PCDHB9: variants seen among roughly 807,000 people sequenced by gnomAD.
PCDHB9 encodes protocadherin beta-9.
For synonymous variants in PCDHB9, 501 were observed against 439.7 expected, an observed-to-expected ratio of 1.14 and a Z score of -1.75; for missense variants, 1,072 against 995.1, an observed-to-expected ratio of 1.08 and a Z score of -1.04.
At position 141,188,303 on chromosome 5, in the gene PCDHB9, G is replaced by A. The variant is rs1753791933; in HGVS notation, c.985G>A (p.Ala329Thr). 1 of 1,614,188 alleles carries A rather than the reference G, an allele frequency of 6.2e-7. No individual in the cohort carries two copies. Among genetic ancestry groups the A allele is most frequent in the Non-Finnish European group, 8.5e-7 (1 of 1,180,036 alleles). Residue 329 changes from alanine (A) to threonine (T), a missense_variant, in exon 1 of 1, where the codon GCA becomes ACA. Ala to Thr is a moderately conservative substitution (Grantham distance 58). Transcript: ENST00000316105. The stretch of plus-strand genomic sequence containing the variant: ...GGCAATGGACGGCGGAGGCCTTTCT[G>A]CAAGATGTACAGTTTTGATAAAAGT... ...IQAMDGGGLS[A>T]RCTVLIKVLD...
At position 141,190,661 on chromosome 5, in the gene PCDHB9, A is replaced by AAAAAAAAG. The variant is rs1263094545; in HGVS notation, c.*956_*957insGAAAAAAA. 5 of 151,042 alleles carry AAAAAAAAG rather than the reference A, an allele frequency of 3.3e-5. No individual in the cohort carries two copies. Among genetic ancestry groups the AAAAAAAAG allele is most frequent in the African/African-American group, 1.2e-4 (5 of 41,230 alleles). The allele number at this position is 151,042 out of a possible 1,614,324, so 9.4% of individuals were successfully genotyped here. Reference sequence around the variant, plus strand: ...AAATGGGCTTTAGTCTGGAAACCAAAAAAAAAAAAAAAATTTAGTCATTCT... The same window carrying AAAAAAAAG: ...AAATGGGCTTTAGTCTGGAAACCAAAAAAAAAAGAAAAAAAAAAAAATTTAGTCATTCT... On this transcript the variant is annotated 3_prime_UTR_variant, in exon 1 of 1. Transcript: ENST00000316105.
In PCDHB9 at chr5:141,189,593, T is replaced by C; in HGVS notation, c.2275T>C (p.Ser759Pro). ...YQYEVCLTGG[S>P]ETGEFKFLKP... The stretch of plus-strand genomic sequence containing the variant: ...GTACGAGGTGTGTCTGACTGGAGGT[T>C]CAGAGACCGGCGAGTTCAAGTTCTT... The change falls in exon 1 of 1, where the codon TCA (serine) becomes CCA (proline). Residue 759 changes from serine (S) to proline (P), a missense_variant. Physicochemically the swap from Ser to Pro is moderately conservative, Grantham distance 74. Coordinates refer to ENST00000316105, the MANE Select transcript of PCDHB9 (RefSeq NM_019119.5). 6 of 1,614,030 alleles carry C rather than the reference T, an allele frequency of 3.7e-6. No individual in the cohort carries two copies. The highest frequency in any genetic ancestry group is 5.1e-6 in the Non-Finnish European group (6 of 1,179,986).
At position 141,187,749 on chromosome 5, in the gene PCDHB9, A is replaced by C. The variant is rs1753772692; in HGVS notation, c.431A>C (p.Glu144Ala). ...AAAGAGATGGTCTTAAAAATATCAG[A>C]AAATACAGCTGAAGGGACAGCATTT... ...RHKEMVLKIS[E>A]NTAEGTAFRL... Residue 144 changes from glutamate to alanine, a missense_variant, in exon 1 of 1, where the codon GAA (glutamate) becomes GCA (alanine). Coordinates refer to ENST00000316105, the MANE Select transcript of PCDHB9 (RefSeq NM_019119.5). The C allele has an allele frequency of 1.2e-6, 2 of 1,614,188 alleles. No individual in the cohort carries two copies. The highest frequency in any genetic ancestry group is 1.7e-6 in the Non-Finnish European group (2 of 1,180,032).
rs17844540 is a variant in PCDHB9, at chr5:141,189,334, T to C, written c.2016T>C (p.Pro672=). Residue 672 remains proline (P), a synonymous_variant, in exon 1 of 1, where the codon CCT becomes CCC. Transcript: ENST00000316105. ...LVDGFSQPYL[P]LPEAAPAQAQ... is the part of the protein sequence containing the mutation. ...ACGGCTTCTCCCAGCCCTACCTGCC[T>C]CTCCCGGAGGCGGCCCCGGCCCAGG... 6.2e-7 allele frequency: 1 copy of C among 1,610,808 alleles called. No homozygotes were observed. The highest frequency in any genetic ancestry group is 8.5e-7 in the Non-Finnish European group (1 of 1,179,738).
rs202035487 is a variant in PCDHB9, at chr5:141,190,178, G to GTTT, written c.*467_*469dup. On this transcript the variant is annotated 3_prime_UTR_variant, in exon 1 of 1. Transcript: ENST00000316105. ...TGTTTGTTTGTTTGTTTTTTGGTTT[G>GTTT]TTTGTTTTTTTTTTTTTTGAGACGG... The GTTT allele has an allele frequency of 0.012, 1,498 of 124,830 alleles. 10 individuals are homozygous for GTTT. Among genetic ancestry groups the GTTT allele is most frequent in the Admixed American group, 0.015 (167 of 11,296 alleles). 7.7% of individuals were successfully genotyped at this position (124,830 alleles called of 1,614,324 possible). A position where few individuals can be genotyped will look rare whatever the true frequency, so the allele number is the denominator to read the frequency against.
rs1165783447 is a variant in PCDHB9 at position 141,191,252 on chromosome 5, C to CAAAAT, written c.*1557_*1561dup. ...CTGGGCAATAAGAGCAAAACTCCAT[C>CAAAAT]AAAATAAAATAAAATAAAATATAAA... On this transcript the variant is annotated 3_prime_UTR_variant, in exon 1 of 1. Coordinates refer to ENST00000316105, the MANE Select transcript of PCDHB9 (RefSeq NM_019119.5). 5.3e-5 allele frequency: 8 copies of CAAAAT among 151,612 alleles called. No homozygotes were observed. The highest frequency in any genetic ancestry group is 1.2e-4 in the African/African-American group (5 of 41,228). The allele number at this position is 151,612 out of a possible 1,614,324, so 9.4% of individuals were successfully genotyped here.
Position 141,191,512 on chromosome 5 carries a change from A to T in PCDHB9, c.*1800A>T, listed in dbSNP as rs1302686948. ...AAGCTAATACAAGAAAAACAAAGACAAGTGAAAGTAAGGAAACAGAAATTG... is the reference window on the plus strand; with the variant it reads ...AAGCTAATACAAGAAAAACAAAGACTAGTGAAAGTAAGGAAACAGAAATTG... On this transcript the variant is annotated 3_prime_UTR_variant, in exon 1 of 1. Transcript: ENST00000316105. 1 of 152,216 alleles carries T rather than the reference A, an allele frequency of 6.6e-6. No individual in the cohort carries two copies. The highest frequency in any genetic ancestry group is 2.4e-5 in the African/African-American group (1 of 41,444). 9.4% of individuals were successfully genotyped at this position (152,216 alleles called of 1,614,324 possible).
Position 141,188,359 on chromosome 5 carries a change from G to C in PCDHB9, c.1041G>C (p.Leu347=). The change falls in exon 1 of 1, where the codon CTG becomes CTC. Residue 347 remains leucine (L), a synonymous_variant. Transcript: ENST00000316105. Reference sequence around the variant, plus strand: ...ATTCCAATGACAATCCTCCTGAACTGATCATATCATCACTTTCCAACTCTG... The same window carrying C: ...ATTCCAATGACAATCCTCCTGAACTCATCATATCATCACTTTCCAACTCTG... The part of the protein sequence containing the change: ...VLDSNDNPPE[L]IISSLSNSVA... The C allele has an allele frequency of 6.2e-7, 1 of 1,614,136 alleles. No homozygotes were observed. Among genetic ancestry groups the C allele is most frequent in the African/African-American group, 1.3e-5 (1 of 75,026 alleles).
Position 141,189,797 on chromosome 5 carries a change from T to A in PCDHB9, c.*85T>A. The stretch of plus-strand genomic sequence containing the variant: ...TTGTGTATGCCCACCACAAAGAAGG[T>A]ACTATTTTTTGTTTGATTCATCTTC... On this transcript the variant is annotated 3_prime_UTR_variant, in exon 1 of 1. Coordinates refer to ENST00000316105, the MANE Select transcript of PCDHB9 (RefSeq NM_019119.5). 8.1e-7 allele frequency: 1 copy of A among 1,228,714 alleles called. No individual in the cohort carries two copies. Among genetic ancestry groups the A allele is most frequent in the Non-Finnish European group, 1.1e-6 (1 of 885,496 alleles). 76.1% of individuals were successfully genotyped at this position (1,228,714 alleles called of 1,614,324 possible). A position where few individuals can be genotyped will look rare whatever the true frequency, so the allele number is the denominator to read the frequency against.
chr5:141,188,411 T>C lies in PCDHB9; in HGVS notation c.1093T>C (p.Leu365=), dbSNP rs377021357. 1.9e-4 allele frequency: 302 copies of C among 1,614,020 alleles called. 2 individuals are homozygous for C. The highest frequency in any genetic ancestry group is 2.3e-4 in the Non-Finnish European group (273 of 1,179,994). The change falls in exon 1 of 1, where the codon TTG becomes CTG. Residue 365 remains leucine (L), a synonymous_variant. Coordinates refer to ENST00000316105, the MANE Select transcript of PCDHB9 (RefSeq NM_019119.5). ...SVAENSPGIV[L]AVFKIKDRDS... ...TGCTGAAAACTCTCCTGGGATAGTA[T>C]TGGCTGTTTTTAAGATTAAAGACAG...
In PCDHB9 at chr5:141,189,539, G is replaced by A. The variant is rs1753846070; in HGVS notation, c.2221G>A (p.Gly741Ser). ...TCCAGGGCATCTGGTGGACGTGAGC[G>A]GCACCGGGACCCTGTTCCAGAGCTA... is the stretch of plus-strand genomic sequence containing the variant. ...PFPGHLVDVS[G>S]TGTLFQSYQY... The change falls in exon 1 of 1, where the codon GGC becomes AGC. Residue 741 changes from glycine to serine, a missense_variant. Coordinates refer to ENST00000316105, the MANE Select transcript of PCDHB9 (RefSeq NM_019119.5). 1.2e-6 allele frequency: 2 copies of A among 1,614,116 alleles called. No homozygotes were observed. Among genetic ancestry groups the A allele is most frequent in the Non-Finnish European group, 8.5e-7 (1 of 1,180,030 alleles).
chr5:141,188,978 G>T lies in PCDHB9; in HGVS notation c.1660G>T (p.Ala554Ser). 6.2e-7 allele frequency: 1 copy of T among 1,611,640 alleles called. No individual in the cohort carries two copies. The change falls in exon 1 of 1, where the codon GCC becomes TCC. Residue 554 changes from alanine to serine, a missense_variant. Coordinates refer to ENST00000316105, the MANE Select transcript of PCDHB9 (RefSeq NM_019119.5). Reference protein sequence around the residue: ...EALVRVLVLDANDNSPFVLYP... With the variant: ...EALVRVLVLDSNDNSPFVLYP... ...GCTGGTGCGCGTACTGGTGCTGGAC[G>T]CCAACGACAACTCGCCCTTCGTGCT...
chr5:141,191,345 A>G lies in PCDHB9; in HGVS notation c.*1633A>G, dbSNP rs1753900009. ...CACTAGAATGCTGTTCTTAATTTTA[A>G]TAGTGTTAAGATAGGTGTTAGTGTG... On this transcript the variant is annotated 3_prime_UTR_variant, in exon 1 of 1. Transcript: ENST00000316105. The G allele has an allele frequency of 6.6e-6, 1 of 152,186 alleles. No individual in the cohort carries two copies. The highest frequency in any genetic ancestry group is 1.5e-5 in the Non-Finnish European group (1 of 68,036). 9.4% of individuals were successfully genotyped at this position (152,186 alleles called of 1,614,324 possible). A position where few individuals can be genotyped will look rare whatever the true frequency, so the allele number is the denominator to read the frequency against.
Position 141,189,307 on chromosome 5 carries a change from G to A in PCDHB9, c.1989G>A (p.Val663=), listed in dbSNP as rs1554283310. The part of the protein sequence containing the change: ...SATATLHVLL[V]DGFSQPYLPL... Reference sequence around the variant, plus strand: ...CCGCCACGCTGCACGTGCTCCTGGTGGACGGCTTCTCCCAGCCCTACCTGC... The same window carrying A: ...CCGCCACGCTGCACGTGCTCCTGGTAGACGGCTTCTCCCAGCCCTACCTGC... The change falls in exon 1 of 1, where the codon GTG becomes GTA. Residue 663 remains valine, a synonymous_variant. Transcript: ENST00000316105. 3 of 1,610,114 alleles carry A rather than the reference G, an allele frequency of 1.9e-6. No individual in the cohort carries two copies. The highest frequency in any genetic ancestry group is 8.5e-7 in the Non-Finnish European group (1 of 1,179,752).
At position 141,188,461 on chromosome 5, in the gene PCDHB9, A is replaced by T. The variant is rs1282594806; in HGVS notation, c.1143A>T (p.Thr381=). 6.2e-7 allele frequency: 1 copy of T among 1,614,128 alleles called. No individual in the cohort carries two copies. Among genetic ancestry groups the T allele is most frequent in the South Asian group, 1.1e-5 (1 of 91,084 alleles). ...KDRDSGENGK[T]ICYVQDNLPF... Reference sequence around the variant, plus strand: ...GAGACTCCGGAGAAAATGGAAAGACAATTTGCTATGTTCAAGATAATCTGC... The same window carrying T: ...GAGACTCCGGAGAAAATGGAAAGACTATTTGCTATGTTCAAGATAATCTGC... The change falls in exon 1 of 1, where the codon ACA becomes ACT. Residue 381 remains threonine (T), a synonymous_variant. Coordinates refer to ENST00000316105, the MANE Select transcript of PCDHB9 (RefSeq NM_019119.5).
At position 141,189,349 on chromosome 5, in the gene PCDHB9, C is replaced by T. The variant is rs200750862; in HGVS notation, c.2031C>T (p.Ala677=). The change falls in exon 1 of 1, where the codon GCC becomes GCT. Residue 677 remains alanine (A), a synonymous_variant. Coordinates refer to ENST00000316105, the MANE Select transcript of PCDHB9 (RefSeq NM_019119.5). The part of the protein sequence containing the change: ...SQPYLPLPEA[A]PAQAQADLLT... Reference sequence around the variant, plus strand: ...CCTACCTGCCTCTCCCGGAGGCGGCCCCGGCCCAGGCCCAGGCCGACTTGC... The same window carrying T: ...CCTACCTGCCTCTCCCGGAGGCGGCTCCGGCCCAGGCCCAGGCCGACTTGC... 1.2e-6 allele frequency: 2 copies of T among 1,611,242 alleles called. No individual in the cohort carries two copies. The highest frequency in any genetic ancestry group is 1.7e-6 in the Non-Finnish European group (2 of 1,179,766).
Position 141,189,541 on chromosome 5 carries a change from C to T in PCDHB9, c.2223C>T (p.Gly741=). 1.2e-6 allele frequency: 2 copies of T among 1,614,138 alleles called. No individual in the cohort carries two copies. The highest frequency in any genetic ancestry group is 2.2e-5 in the South Asian group (2 of 91,078). The change falls in exon 1 of 1, where the codon GGC becomes GGT. Residue 741 remains glycine (G), a synonymous_variant. Coordinates refer to ENST00000316105, the MANE Select transcript of PCDHB9 (RefSeq NM_019119.5). ...PFPGHLVDVS[G]TGTLFQSYQY... ...CAGGGCATCTGGTGGACGTGAGCGG[C>T]ACCGGGACCCTGTTCCAGAGCTACC... is the stretch of plus-strand genomic sequence containing the variant.
rs1554283388 is a variant in PCDHB9, at chr5:141,189,516, C to T, written c.2198C>T (p.Pro733Leu). The change falls in exon 1 of 1, where the codon CCA becomes CTA. Residue 733 changes from proline to leucine, a missense_variant. Pro to Leu is a moderately conservative substitution (Grantham distance 98). Transcript: ENST00000316105. ...GRCSVPEGPF[P>L]GHLVDVSGTG... ...TGCTCGGTGCCCGAGGGTCCTTTTC[C>T]AGGGCATCTGGTGGACGTGAGCGGC... 4 of 1,614,014 alleles carry T rather than the reference C, an allele frequency of 2.5e-6. No homozygotes were observed. The South Asian group carries it at 4.4e-5, about 18-fold the overall frequency.
rs1381167932 is a variant in PCDHB9 at position 141,190,704 on chromosome 5, T to C, written c.*992T>C. The stretch of plus-strand genomic sequence containing the variant: ...GTCATTCTATAGGATCATGTGAAAA[T>C]ATTTAATTTGCTCCTTTTAATTCTG... On this transcript the variant is annotated 3_prime_UTR_variant, in exon 1 of 1. Transcript: ENST00000316105. The C allele has an allele frequency of 7.3e-6, 1 of 136,260 alleles. No homozygotes were observed. Among genetic ancestry groups the C allele is most frequent in the African/African-American group, 2.8e-5 (1 of 36,078 alleles). 8.4% of individuals were successfully genotyped at this position (136,260 alleles called of 1,614,324 possible). A position where few individuals can be genotyped will look rare whatever the true frequency, so the allele number is the denominator to read the frequency against.
Sources: gnomAD v4.1 joint callset for allele counts on GRCh38, gnomAD v4.1.1 for gene constraint, MANE v1.5 for transcripts, NCBI Gene and HGNC (gene_info 2026-07-23, HGNC 2026-07-21) for gene names.